The following GPM6B variants were observed in gnomAD, a reference collection of about 807,000 sequenced individuals.
The protein encoded by GPM6B is neuronal membrane glycoprotein M6-b.
GPM6B carries 4 observed loss-of-function variants against 27.2 expected under a neutral mutation model. The observed-to-expected ratio is 0.15, with a 90% CI of 0.07 to 0.34. The LOEUF is 0.34. GPM6B is among the 10% of genes least tolerant of loss of function. GPM6B has a pLI of 1.00. For missense variants in GPM6B, 183 were observed against 261.9 expected (o/e 0.70, Z 2.08); for synonymous variants, 124 against 103.1 (o/e 1.20, Z -1.23).
intron 1 of GPM6B, among the ~76,000 whole-genome samples, chrX:13,909,971 G>A: frequency 9.0e-6 from 1 of 111,584 alleles, no homozygotes; most frequent in Non-Finnish European, 1.9e-5. Context: ...CGTCAATAAG[G>A]CCTTTGGCAC....
chrX:13,865,541 T>TAAAAAAAAAAAAAAAA (rs1569271152), intron 1 of GPM6B, among the ~76,000 whole-genome samples: 2 of 3,111 alleles, frequency 6.4e-4, no homozygotes, highest in African/African-American at 1.5e-3. Flanking sequence ...ATCCATCTCT[T>TAAAAAAAAAAAAAAAA]CAAAAAAAAA....
rs1216401731 is a variant in GPM6B at position 13,935,074 on chromosome X, G to A, written c.-198+3253C>T. Among the ~76,000 whole-genome samples the A allele has an allele frequency of 2.7e-5, 3 of 111,836 alleles. No homozygotes were observed. In the South Asian group the frequency reaches 1.1e-3, roughly 41 times the overall value. On this transcript the variant is annotated intron_variant, in intron 1 of 6. Transcript: ENST00000398361. ...GCTCTAGACCAAAATTTTTTATAAT[G>A]CTATTTAGTGAAATTATTGACATTT... is the stretch of plus-strand genomic sequence containing the variant.
chrX:13,919,384 AAC>A (rs1159923885), intron 1 of GPM6B, among the ~76,000 whole-genome samples: 1 of 112,373 alleles, frequency 8.9e-6, no homozygotes, highest in Non-Finnish European at 1.9e-5. Context: ...ATGAATGTTT[AAC>A]AGTTTTACAT....
rs200066601 is a variant in GPM6B at position 13,861,023 on chromosome X, CACACACACACACACACACACATAT to C, written c.-197-75239_-197-75216del. 2.9e-4 allele frequency among the ~76,000 whole-genome samples: 24 copies of C among 83,011 alleles called. No homozygotes were observed. In the East Asian group the frequency reaches 5.3e-3, roughly 18 times the overall value. The allele number at this position is 83,011 out of a possible 115,157, so 72.1% of individuals were successfully genotyped here. A position where few individuals can be genotyped will look rare whatever the true frequency, so the allele number is the denominator to read the frequency against. On this transcript the variant is annotated intron_variant, in intron 1 of 6. Coordinates refer to the GPM6B transcript ENST00000398361. ...ATGTGCATACACACACACACACACA[CACACACACACACACACACACATAT>C]ATACATATATATACACATACATATA...
At chrX:13,926,277 G>A (rs956803674) in intron 1 of GPM6B, among the ~76,000 whole-genome samples, 6 of 106,907 alleles carry the variant, frequency 5.6e-5, no homozygotes, top group Non-Finnish European at 7.7e-5. Flanking sequence ...GCGTAGTGGC[G>A]GGCGCCTGTA....
rs199779028 is a variant in GPM6B at position 13,785,593 on chromosome X, T to C, written c.368+29A>G. ...ATGAGCCACCACGCCAGGCCTTAGA[T>C]GCATTTTTAAAGGGAACCGGATACT... On this transcript the variant is annotated intron_variant, in intron 3 of 7. Coordinates refer to ENST00000316715, the MANE Select transcript of GPM6B (RefSeq NM_001001995.3). 147 of 1,189,842 alleles carry C rather than the reference T, an allele frequency of 1.2e-4. No homozygotes were observed. The African/African-American group carries it at 2.2e-3, about 18-fold the overall frequency.
intron 1 of GPM6B, among the ~76,000 whole-genome samples, chrX:13,854,632 A>G (rs2049759152): frequency 8.9e-6 from 1 of 112,180 alleles, no homozygotes; most frequent in South Asian, 3.7e-4. Flanking sequence ...AGTTAACAAT[A>G]TATCATTTCA....
At chrX:13,856,136 T>C (rs1019386741) in intron 1 of GPM6B, among the ~76,000 whole-genome samples, 1 of 112,156 alleles carries the variant, frequency 8.9e-6, no homozygotes, top group Non-Finnish European at 1.9e-5. Context: ...GTTTCTTACA[T>C]ATCATTATTA....
intron 1 of GPM6B, among the ~76,000 whole-genome samples, chrX:13,880,432 T>C (rs2050082940): frequency 9.0e-6 from 1 of 110,535 alleles, no homozygotes; most frequent in Non-Finnish European, 1.9e-5. Context: ...TCCCAGCACT[T>C]TGGGAGGCCG....
At chrX:13,824,754 G>A (rs12014122) in intron 1 of GPM6B, among the ~76,000 whole-genome samples, 5,653 of 111,796 alleles carry the variant, frequency 0.051, 172 homozygotes, top group East Asian at 0.15. Flanking sequence ...AGGATAGTGA[G>A]TCCCATAGGG....
In GPM6B at chrX:13,771,667, A is replaced by G. The variant is rs1357356522; in HGVS notation, c.*1214T>C. 1 of 112,184 alleles carries G rather than the reference A, an allele frequency of 8.9e-6. No homozygotes were observed. Among genetic ancestry groups the G allele is most frequent in the Non-Finnish European group, 1.9e-5 (1 of 53,130 alleles). 9.2% of individuals were successfully genotyped at this position (112,184 alleles called of 1,213,427 possible). On this transcript the variant is annotated 3_prime_UTR_variant, in exon 8 of 8. Coordinates refer to ENST00000316715, the MANE Select transcript of GPM6B (RefSeq NM_001001995.3). ...CAGTTATATGGATCATTTCATAAAG[A>G]GCAACACAAAGTTTACCATCACTAA... is the stretch of plus-strand genomic sequence containing the variant.
chrX:13,838,346 A>G (rs926162770), intron 1 of GPM6B, among the ~76,000 whole-genome samples: 18 of 112,033 alleles, frequency 1.6e-4, no homozygotes, highest in African/African-American at 5.5e-4. Flanking sequence ...TACATCTTTA[A>G]GAGTCCAGCA....
chrX:13,826,291 C>T (rs747672220), intron 1 of GPM6B, among the ~76,000 whole-genome samples: 167 of 110,854 alleles, frequency 1.5e-3, no homozygotes, highest in African/African-American at 5.3e-3. Context: ...ACAAGGAATA[C>T]CCTTACCTTA....
At chrX:13,838,040 G>A (rs2049525771) in intron 1 of GPM6B, among the ~76,000 whole-genome samples, 1 of 108,904 alleles carries the variant, frequency 9.2e-6, no homozygotes, top group African/African-American at 3.4e-5. Context: ...TCCAGTTACT[G>A]TAAATACTTA....
intron 4 of GPM6B, among the ~76,000 whole-genome samples, chrX:13,781,833 G>A (rs980580213): frequency 5.4e-5 from 6 of 112,137 alleles, no homozygotes; most frequent in African/African-American, 1.9e-4. Context: ...TCCTGAGGCT[G>A]TGTCATGGGT....
chrX:13,817,462 G>C (rs1310437318), upstream of GPM6B: 3 of 388,944 alleles, frequency 7.7e-6, no homozygotes, highest in Non-Finnish European at 9.8e-6. Context: ...GACTTTGTTG[G>C]TCGACAGCAA....
intron 1 of GPM6B, among the ~76,000 whole-genome samples, chrX:13,870,642 C>T (rs2049965530): frequency 8.9e-6 from 1 of 112,627 alleles, no homozygotes; most frequent in South Asian, 3.7e-4. Flanking sequence ...CAGGGAGAAT[C>T]TGAGTCCAGG....
intron 1 of GPM6B, among the ~76,000 whole-genome samples, chrX:13,844,041 T>A (rs1395960067): frequency 1.8e-5 from 2 of 112,328 alleles, no homozygotes; most frequent in African/African-American, 6.5e-5. Flanking sequence ...AGTTTTTACA[T>A]CTAGGTCTAT....
At chrX:13,796,081 C>T (rs1274981179) in intron 2 of GPM6B, among the ~76,000 whole-genome samples, 2 of 111,588 alleles carry the variant, frequency 1.8e-5, no homozygotes, top group Non-Finnish European at 3.8e-5. Context: ...CACGCACCAC[C>T]ATGCTGGCTA....
Sources: allele counts gnomAD v4.1 joint callset (sites outside exome capture counted in the v4.1 genomes callset), GRCh38; gene constraint gnomAD v4.1.1; transcripts MANE v1.5; gene names NCBI Gene and HGNC (gene_info 2026-07-23, HGNC 2026-07-21).